LCP1: variants seen among roughly 807,000 people sequenced by gnomAD.
LCP1 encodes lymphocyte cytosolic protein 1, also known as plastin-2.
In LCP1, 23 loss-of-function variants were observed where a neutral mutation model predicts 72.0. The ratio of observed to expected loss-of-function variants is 0.32; its 90% CI spans 0.23 to 0.45. LCP1 has a LOEUF of 0.45. Ranked by LOEUF, LCP1 falls within the 20% of genes least tolerant of loss-of-function variation. LCP1 has a pLI of 1.00. For synonymous variants in LCP1, 245 were observed against 275.4 expected (o/e 0.89, Z 1.09); for missense variants, 571 against 748.3 (o/e 0.76, Z 2.76).
At chr13:46,151,187 C>A in intron 7 of LCP1, 109 bp from the exon 8 acceptor site, 1 of 1,064,902 alleles carries the variant, frequency 9.4e-7, no homozygotes, top group East Asian at 2.5e-5. Context: ...AACAACGTTA[C>A]CTCTTTGGGG....
intron 1 of LCP1, among the ~76,000 whole-genome samples, chr13:46,179,174 T>C (rs1486179547): frequency 1.3e-5 from 2 of 152,236 alleles, no homozygotes; most frequent in Non-Finnish European, 2.9e-5. Flanking sequence ...TTGTACAATT[T>C]TTTAAATTTC....
chr13:46,138,340 T>G (rs1490347277), intron 13 of LCP1, among the ~76,000 whole-genome samples: 2 of 152,204 alleles, frequency 1.3e-5, no homozygotes, highest in African/African-American at 2.4e-5. Flanking sequence ...TTTTAATATA[T>G]AGCATGCAGG....
chr13:46,138,540 T>C (rs1028413448), intron 13 of LCP1, among the ~76,000 whole-genome samples: 4 of 152,242 alleles, frequency 2.6e-5, no homozygotes, highest in Admixed American at 6.5e-5. Flanking sequence ...GTGCCAGCCA[T>C]TAAATAGGGC....
intron 7 of LCP1, among the ~76,000 whole-genome samples, chr13:46,152,291 G>A (rs1332059475): frequency 3.3e-5 from 5 of 151,384 alleles, no homozygotes; most frequent in East Asian, 3.9e-4. Context: ...TATAGCCCTC[G>A]TGCTGTTTAG....
chr13:46,132,988 T>C (rs577579974), intron 14 of LCP1, among the ~76,000 whole-genome samples: 1 of 152,288 alleles, frequency 6.6e-6, no homozygotes, highest in South Asian at 2.1e-4. Context: ...GTAGTTAAGA[T>C]GGCACAGGCA....
chr13:46,127,454 C>A lies in LCP1; in HGVS notation c.*137G>T. 9.3e-7 allele frequency: 1 copy of A among 1,079,148 alleles called. No individual in the cohort carries two copies. The highest frequency in any genetic ancestry group is 1.3e-6 in the Non-Finnish European group (1 of 756,076). The allele number at this position is 1,079,148 out of a possible 1,614,324, so 66.8% of individuals were successfully genotyped here. ...GTTAAATACAGGAGAGGCTACTTGG[C>A]TGCACTAATATGTGCTTTTTGGAAT... On this transcript the variant is annotated 3_prime_UTR_variant, in exon 16 of 16. Transcript: ENST00000323076.
intron 1 of LCP1, among the ~76,000 whole-genome samples, chr13:46,164,727 G>A (rs562698598): frequency 3.3e-5 from 5 of 152,344 alleles, no homozygotes; most frequent in Non-Finnish European, 7.3e-5. Context: ...ATCAGCATGA[G>A]CAGCATATCC....
At position 46,175,072 on chromosome 13, in the gene LCP1, C is replaced by T. The variant is rs138911397; in HGVS notation, c.-25+7039G>A. ...TCTGCCAGTTACTGGTTCTGTGACC[C>T]CAGACAAGTCACTTAACCCTCCCTG... On this transcript the variant is annotated intron_variant, in intron 1 of 15. Coordinates refer to ENST00000323076, the MANE Select transcript of LCP1 (RefSeq NM_002298.5). Among the ~76,000 whole-genome samples, 423 of 152,184 alleles carry T rather than the reference C, an allele frequency of 2.8e-3. 1 individual carries two copies. The highest frequency in any genetic ancestry group is 9.4e-3 in the African/African-American group (392 of 41,526).
At chr13:46,133,355 G>A (rs2045644741) in intron 14 of LCP1, among the ~76,000 whole-genome samples, 1 of 152,200 alleles carries the variant, frequency 6.6e-6, no homozygotes, top group African/African-American at 2.4e-5. Context: ...CAGGCATGGT[G>A]GCTCACGCCT....
intron 13 of LCP1, among the ~76,000 whole-genome samples, chr13:46,139,522 T>C (rs764130072): frequency 1.3e-5 from 2 of 152,226 alleles, no homozygotes; most frequent in Non-Finnish European, 2.9e-5. Flanking sequence ...GAATGTAATG[T>C]GACATGCAGT....
At chr13:46,161,196 C>CTT (rs2045836274) in intron 1 of LCP1, among the ~76,000 whole-genome samples, 1 of 152,126 alleles carries the variant, frequency 6.6e-6, no homozygotes, top group Non-Finnish European at 1.5e-5. Context: ...AATAACAACT[C>CTT]TGAGAGTCTT....
chr13:46,157,647 T>C (rs921973825), intron 4 of LCP1, among the ~76,000 whole-genome samples: 1 of 152,190 alleles, frequency 6.6e-6, no homozygotes, highest in Non-Finnish European at 1.5e-5. Context: ...CATTGCACAT[T>C]TGACCCAGCA....
At chr13:46,132,049 C>T (rs1476367799) in intron 14 of LCP1, among the ~76,000 whole-genome samples, 1 of 150,194 alleles carries the variant, frequency 6.7e-6, no homozygotes, top group Admixed American at 6.6e-5. Context: ...TTTAAAAGGG[C>T]TTCACATAAA....
rs184290716 is a variant in LCP1 at position 46,178,284 on chromosome 13, C to T, written c.-25+3827G>A. The stretch of plus-strand genomic sequence containing the variant: ...AAGCGCCTTCCACTCCCCCCCATCC[C>T]CCACCGATATCTTACAAGATGGAGC... On this transcript the variant is annotated intron_variant, in intron 1 of 15. Transcript: ENST00000323076. Among the ~76,000 whole-genome samples the T allele has an allele frequency of 1.1e-3, 160 of 152,206 alleles. 1 individual carries two copies. Among genetic ancestry groups the T allele is most frequent in the African/African-American group, 3.7e-3 (154 of 41,518 alleles).
At chr13:46,168,892 C>T (rs1007149400) in intron 1 of LCP1, among the ~76,000 whole-genome samples, 1 of 152,162 alleles carries the variant, frequency 6.6e-6, no homozygotes, top group Non-Finnish European at 1.5e-5. Flanking sequence ...ATTCTTGTAA[C>T]CTGCTTTTTT....
rs1185100678 is a variant in LCP1, at chr13:46,127,561, G to A, written c.*30C>T. Reference sequence around the variant, plus strand: ...CTGTGCCGGGCAGTCAGGAGTGAGTGCACCGCCTCCCACCCAGCCCCATTG... The same window carrying A: ...CTGTGCCGGGCAGTCAGGAGTGAGTACACCGCCTCCCACCCAGCCCCATTG... On this transcript the variant is annotated 3_prime_UTR_variant, in exon 16 of 16. Transcript: ENST00000323076. 1.5e-5 allele frequency: 25 copies of A among 1,613,022 alleles called. No individual in the cohort carries two copies. Among genetic ancestry groups the A allele is most frequent in the Non-Finnish European group, 2.1e-5 (25 of 1,179,578 alleles).
intron 1 of LCP1, among the ~76,000 whole-genome samples, chr13:46,177,717 C>T (rs1048721011): frequency 2.6e-5 from 4 of 152,072 alleles, no homozygotes; most frequent in Admixed American, 2.6e-4. Flanking sequence ...AACAAACAAA[C>T]AAACAAAAGA....
At chr13:46,157,215 T>C (rs1361445754) in intron 4 of LCP1, among the ~76,000 whole-genome samples, 2 of 151,166 alleles carry the variant, frequency 1.3e-5, no homozygotes, top group East Asian at 3.9e-4. Flanking sequence ...TATATATAAA[T>C]ACATAAATAA....
chr13:46,150,523 T>C (rs1166146087), intron 8 of LCP1, among the ~76,000 whole-genome samples: 1 of 152,230 alleles, frequency 6.6e-6, no homozygotes, highest in Non-Finnish European at 1.5e-5. Flanking sequence ...GCAGACACCA[T>C]GTTTGCTGTT....
Sources: allele counts gnomAD v4.1 joint callset (sites outside exome capture counted in the v4.1 genomes callset), GRCh38; gene constraint gnomAD v4.1.1; transcripts MANE v1.5; gene names NCBI Gene and HGNC (gene_info 2026-07-23, HGNC 2026-07-21).